CCDC30: variants seen among roughly 807,000 people sequenced by gnomAD.
The protein encoded by CCDC30 is coiled-coil domain containing 30, also known as coiled-coil domain-containing protein 30.
In CCDC30, 70 loss-of-function variants were observed where a neutral mutation model predicts 100.2. That is an observed-to-expected ratio of 0.70 (90% CI 0.58 to 0.85). CCDC30 has a LOEUF of 0.85. CCDC30 is among the 40% of genes least tolerant of loss of function. CCDC30 has a pLI of 0.00. For synonymous variants in CCDC30, 233 were observed against 269.5 expected (o/e 0.86, Z 1.33); for missense variants, 652 against 771.2 (o/e 0.85, Z 1.83).
intron 6 of CCDC30, 85 bp from the exon 7 acceptor site, chr1:42,536,391 T>C (rs1219441079): frequency 1.2e-6 from 1 of 802,326 alleles, no homozygotes. Flanking sequence ...GATTTCATTA[T>C]TGAGTTAGAA....
At chr1:42,457,391 C>G in the CCDC30 span, 1 of 1,547,524 alleles carries the variant, frequency 6.5e-7, no homozygotes, top group East Asian at 2.2e-5. Context: ...TCCCATATAA[C>G]CAATCTTGGG....
chr1:42,470,462 G>A (rs569633559), intron 1 of CCDC30, among the ~76,000 whole-genome samples: 10 of 152,034 alleles, frequency 6.6e-5, no homozygotes, highest in Admixed American at 3.3e-4. Context: ...CCACTCCTAC[G>A]TATATACCCC....
chr1:42,531,808 A>G (rs1644810336), intron 6 of CCDC30, among the ~76,000 whole-genome samples: 1 of 152,190 alleles, frequency 6.6e-6, no homozygotes, highest in African/African-American at 2.4e-5. Flanking sequence ...AACCCTGTCA[A>G]ATACAGATAG....
At chr1:42,527,025 A>G (rs975160183) in intron 6 of CCDC30, among the ~76,000 whole-genome samples, 1 of 152,214 alleles carries the variant, frequency 6.6e-6, no homozygotes, top group Non-Finnish European at 1.5e-5. Flanking sequence ...ATGGATTTCC[A>G]ACATACTTTG....
intron 7 of CCDC30, among the ~76,000 whole-genome samples, chr1:42,567,952 G>A (rs10890201): frequency 0.38 from 57,046 of 150,332 alleles, 11,214 homozygotes; most frequent in East Asian, 0.59. Context: ...TAAAAAAAAA[G>A]AGAGAGAGAA....
At chr1:42,555,411 C>G (rs1427546905) in intron 6 of CCDC30, among the ~76,000 whole-genome samples, 1 of 152,192 alleles carries the variant, frequency 6.6e-6, no homozygotes, top group Non-Finnish European at 1.5e-5. Flanking sequence ...TTACTTACTA[C>G]TCATTTCTCA....
chr1:42,563,808 C>T (rs1175110462), intron 6 of CCDC30, among the ~76,000 whole-genome samples: 3 of 151,404 alleles, frequency 2.0e-5, no homozygotes, highest in African/African-American at 7.3e-5. Flanking sequence ...ACCCAGGAGG[C>T]GGAGGTTGTG....
At chr1:42,648,691 A>C (rs1403322134) in intron 15 of CCDC30, among the ~76,000 whole-genome samples, 1 of 152,116 alleles carries the variant, frequency 6.6e-6, no homozygotes, top group East Asian at 1.9e-4. Context: ...AACAAACAAA[A>C]AAGATTAGAG....
the CCDC30 span, chr1:42,456,940 TC>T: frequency 6.2e-7 from 1 of 1,607,206 alleles, no homozygotes; most frequent in Non-Finnish European, 8.5e-7. Flanking sequence ...AGAATGCACT[TC>T]CGGGTTTTGC....
At chr1:42,523,714 A>G (rs1294157605) in intron 6 of CCDC30, among the ~76,000 whole-genome samples, 1 of 152,046 alleles carries the variant, frequency 6.6e-6, no homozygotes, top group Admixed American at 6.5e-5. Context: ...CCCAGTGTGT[A>G]TGTTGGCCCA....
intron 7 of CCDC30, among the ~76,000 whole-genome samples, chr1:42,574,424 A>G (rs1645792847): frequency 6.6e-6 from 1 of 151,914 alleles, no homozygotes; most frequent in South Asian, 2.1e-4. Flanking sequence ...AAATGTATAT[A>G]TTTTAACAAA....
chr1:42,520,216 C>G (rs1398149397), intron 6 of CCDC30, among the ~76,000 whole-genome samples: 1 of 151,824 alleles, frequency 6.6e-6, no homozygotes, highest in Non-Finnish European at 1.5e-5. Flanking sequence ...TGAGATCTTT[C>G]TTATTTTTTA....
chr1:42,565,599 G>A (rs1317273829), intron 6 of CCDC30, among the ~76,000 whole-genome samples: 1 of 152,318 alleles, frequency 6.6e-6, no homozygotes, highest in East Asian at 1.9e-4. Context: ...ATGTAAATTA[G>A]TACAACCAAT....
At chr1:42,466,872 C>T (rs978028828) in intron 1 of CCDC30, among the ~76,000 whole-genome samples, 4 of 152,092 alleles carry the variant, frequency 2.6e-5, no homozygotes, top group African/African-American at 9.7e-5. Context: ...TTCTTATGTA[C>T]TTTGTTGTGT....
chr1:42,476,940 G>A (rs1437211229), intron 1 of CCDC30, among the ~76,000 whole-genome samples: 1 of 145,314 alleles, frequency 6.9e-6, no homozygotes, highest in East Asian at 2.0e-4. Context: ...GTTAATTATA[G>A]GACATATTAC....
chr1:42,546,829 T>C (rs532958974), intron 6 of CCDC30, among the ~76,000 whole-genome samples: 1 of 152,214 alleles, frequency 6.6e-6, no homozygotes, highest in East Asian at 1.9e-4. Context: ...GCACTACTCT[T>C]CCTGGGCACA....
At chr1:42,467,936 G>A (rs991181917) in intron 1 of CCDC30, among the ~76,000 whole-genome samples, 1 of 152,234 alleles carries the variant, frequency 6.6e-6, no homozygotes, top group Admixed American at 6.5e-5. Context: ...CCTTGCTGAT[G>A]AGCAAGCAGA....
intron 6 of CCDC30, among the ~76,000 whole-genome samples, chr1:42,509,243 T>C (rs1379416297): frequency 6.6e-6 from 1 of 152,182 alleles, no homozygotes; most frequent in African/African-American, 2.4e-5. Flanking sequence ...AGGAGTGTGA[T>C]TTACAGTTTA....
rs756589118 is a variant in CCDC30, at chr1:42,637,330, T to G, written c.1371T>G (p.Ile457Met). The change falls in exon 12 of 17, where the codon ATT (isoleucine) becomes ATG (methionine). Residue 457 changes from isoleucine to methionine, a missense_variant. By Grantham distance (10) the Ile-to-Met change is conservative. Transcript: ENST00000668663. ...AAGTAGAACTACGAGATAAGAGAAT[T>G]AACCAATTTGAAGATGAAATTGGAA... The G allele has an allele frequency of 4.0e-5, 64 of 1,594,422 alleles. No individual in the cohort carries two copies. Among genetic ancestry groups the G allele is most frequent in the Non-Finnish European group, 5.1e-5 (60 of 1,175,044 alleles).
Sources: gnomAD v4.1 joint callset for allele counts (sites outside exome capture counted in the v4.1 genomes callset) on GRCh38, gnomAD v4.1.1 for gene constraint, MANE v1.5 for transcripts, NCBI Gene and HGNC (gene_info 2026-07-23, HGNC 2026-07-21) for gene names.